COL25A1: variants seen among roughly 807,000 people sequenced by gnomAD.
COL25A1 encodes the protein collagen type XXV alpha 1 chain, also known as collagen alpha-1(XXV) chain.
A neutral mutation model predicts 128.4 loss-of-function variants in COL25A1; 103 were observed. The observed-to-expected ratio is 0.80, with a 90% CI of 0.68 to 0.94. The LOEUF is 0.94. Ranked by LOEUF, COL25A1 falls within the 40% of genes least tolerant of loss-of-function variation. The pLI is 0.00. For synonymous variants in COL25A1, 279 were observed against 277.2 expected, an observed-to-expected ratio of 1.01 and a Z score of -0.06; for missense variants, 745 against 840.0, an observed-to-expected ratio of 0.89 and a Z score of 1.40.
intron 3 of COL25A1, among the ~76,000 whole-genome samples, chr4:109,071,509 C>G (rs1039000606): frequency 1.3e-5 from 2 of 152,128 alleles, no homozygotes; most frequent in Non-Finnish European, 2.9e-5. Context: ...AGTGAACAGG[C>G]AACCTACAGA....
At chr4:108,945,690 A>G (rs184722736) in intron 8 of COL25A1, among the ~76,000 whole-genome samples, 1 of 152,208 alleles carries the variant, frequency 6.6e-6, no homozygotes, top group Admixed American at 6.5e-5. Context: ...TTTGAGATGG[A>G]GTCTGGCTCT....
intron 30 of COL25A1, among the ~76,000 whole-genome samples, chr4:108,842,643 G>A (rs867836307): frequency 2.6e-5 from 4 of 152,088 alleles, no homozygotes; most frequent in Admixed American, 6.5e-5. Context: ...TTTCAGATAA[G>A]GATTTTCAGG....
chr4:109,285,125 T>C (rs971974156), intron 3 of COL25A1, among the ~76,000 whole-genome samples: 1 of 152,106 alleles, frequency 6.6e-6, no homozygotes, highest in African/African-American at 2.4e-5. Context: ...ATAGATGAGC[T>C]TGAACCTCTG....
intron 27 of COL25A1, 144 bp from the exon 28 acceptor site, chr4:108,846,363 T>C (rs963644930): frequency 6.3e-6 from 4 of 632,742 alleles, no homozygotes; most frequent in South Asian, 5.9e-5. Context: ...TAGGTAGAGT[T>C]ATTTCTTACA....
intron 3 of COL25A1, among the ~76,000 whole-genome samples, chr4:109,085,490 T>C (rs1292490952): frequency 6.6e-6 from 1 of 152,214 alleles, no homozygotes; most frequent in Non-Finnish European, 1.5e-5. Context: ...TGGACAACTA[T>C]AAAGTTCTAA....
chr4:109,092,969 C>T (rs748345892), intron 3 of COL25A1, among the ~76,000 whole-genome samples: 36 of 150,948 alleles, frequency 2.4e-4, no homozygotes, highest in Non-Finnish European at 4.4e-4. Context: ...TGTACTATTG[C>T]CAGAAAAAAA....
At chr4:108,817,731 T>G (rs1054035618) in intron 36 of COL25A1, among the ~76,000 whole-genome samples, 4 of 152,216 alleles carry the variant, frequency 2.6e-5, no homozygotes, top group African/African-American at 9.6e-5. Flanking sequence ...ATCTATATTT[T>G]TAGATAATAA....
intron 3 of COL25A1, among the ~76,000 whole-genome samples, chr4:109,206,750 C>T (rs1270423917): frequency 6.6e-6 from 1 of 152,124 alleles, no homozygotes; most frequent in Non-Finnish European, 1.5e-5. Flanking sequence ...ACAGTGAAAC[C>T]CATTTCAGTC....
At chr4:109,082,518 G>T (rs1763931846) in intron 3 of COL25A1, among the ~76,000 whole-genome samples, 1 of 152,076 alleles carries the variant, frequency 6.6e-6, no homozygotes, top group Non-Finnish European at 1.5e-5. Context: ...TTTCATTGGG[G>T]TTTTCATGTG....
chr4:108,911,192 A>G (rs1744173243), intron 13 of COL25A1, among the ~76,000 whole-genome samples: 1 of 152,196 alleles, frequency 6.6e-6, no homozygotes, highest in African/African-American at 2.4e-5. Context: ...ACAAAACCCT[A>G]TAGTGATCAA....
In COL25A1 at chr4:109,141,637, C is replaced by T. The variant is rs1223602853; in HGVS notation, c.368-91458G>A. On this transcript the variant is annotated intron_variant, in intron 3 of 37. Coordinates refer to ENST00000399132, the MANE Select transcript of COL25A1 (RefSeq NM_198721.4). ...ACTTCTATTGGTCTATTCAGGGATT[C>T]GACTTCTTCCTGGTTTAGTCTTGGA... is the stretch of plus-strand genomic sequence containing the variant. Among the ~76,000 whole-genome samples the T allele has an allele frequency of 6.6e-5, 10 of 152,214 alleles. No homozygotes were observed. In the South Asian group the frequency reaches 1.9e-3, roughly 28 times the overall value.
chr4:108,893,556 C>T (rs1369333417), intron 16 of COL25A1, among the ~76,000 whole-genome samples: 3 of 151,930 alleles, frequency 2.0e-5, no homozygotes, highest in African/African-American at 4.8e-5. Flanking sequence ...TTTTACAGTT[C>T]CACAGTATTT....
At chr4:109,300,866 G>A (rs999148620) in intron 2 of COL25A1, among the ~76,000 whole-genome samples, 4 of 152,164 alleles carry the variant, frequency 2.6e-5, no homozygotes, top group Admixed American at 6.5e-5. Context: ...TGCTGGACTT[G>A]TATAACATCT....
chr4:108,974,255 C>G, intron 8 of COL25A1, 112 bp downstream of exon 8: 1 of 1,082,482 alleles, frequency 9.2e-7, no homozygotes, highest in Non-Finnish European at 1.4e-6. Context: ...TTTTTGCCAG[C>G]CATTACTGAA....
intron 24 of COL25A1, among the ~76,000 whole-genome samples, chr4:108,854,604 T>C (rs141836460): frequency 0.014 from 2,057 of 151,978 alleles, 24 homozygotes; most frequent in South Asian, 0.034. Flanking sequence ...AACAAACATA[T>C]GAAAAAAAGC....
chr4:108,898,164 G>A (rs1742363337), intron 15 of COL25A1, among the ~76,000 whole-genome samples: 1 of 152,232 alleles, frequency 6.6e-6, no homozygotes, highest in African/African-American at 2.4e-5. Context: ...AACCTTCTTA[G>A]TAGGGAAACT....
chr4:108,895,849 T>C (rs1307244598), intron 16 of COL25A1, among the ~76,000 whole-genome samples: 1 of 151,820 alleles, frequency 6.6e-6, no homozygotes, highest in Non-Finnish European at 1.5e-5. Flanking sequence ...TTATACCCAA[T>C]GTGTAGTCTT....
In COL25A1 at chr4:108,852,183, C is replaced by T. The variant is rs145753278; in HGVS notation, c.1389+53G>A. On this transcript the variant is annotated intron_variant, in intron 26 of 37. Coordinates refer to ENST00000399132, the MANE Select transcript of COL25A1 (RefSeq NM_198721.4). Reference sequence around the variant, plus strand: ...TTTTCAAAGATGCATATACTTAATACGGTATTCCCTGCACTGTATGTGATA... The same window carrying T: ...TTTTCAAAGATGCATATACTTAATATGGTATTCCCTGCACTGTATGTGATA... The T allele has an allele frequency of 1.2e-4, 162 of 1,337,242 alleles. No homozygotes were observed. In the African/African-American group the frequency reaches 1.9e-3, roughly 16 times the overall value. The allele number at this position is 1,337,242 out of a possible 1,614,324, so 82.8% of individuals were successfully genotyped here.
At chr4:109,150,071 ATG>A (rs1340291851) in intron 3 of COL25A1, among the ~76,000 whole-genome samples, 2 of 150,764 alleles carry the variant, frequency 1.3e-5, no homozygotes, top group Non-Finnish European at 3.0e-5. Context: ...TGCAGTGTGT[ATG>A]TGTGTTTGTA....
Sources: gnomAD v4.1 joint callset for allele counts (sites outside exome capture counted in the v4.1 genomes callset) on GRCh38, gnomAD v4.1.1 for gene constraint, MANE v1.5 for transcripts, NCBI Gene and HGNC (gene_info 2026-07-23, HGNC 2026-07-21) for gene names.